The following MACROD2 variants were observed in gnomAD, a reference collection of about 807,000 sequenced individuals.
MACROD2 encodes ADP-ribose glycohydrolase MACROD2.
A neutral mutation model predicts 70.4 loss-of-function variants in MACROD2; 36 were observed. That is an observed-to-expected ratio of 0.51 (90% CI 0.39 to 0.68). MACROD2 has a LOEUF of 0.68. Ranked by LOEUF, MACROD2 falls within the 30% of genes least tolerant of loss-of-function variation. The pLI is 0.00. For synonymous variants in MACROD2, 172 were observed against 178.8 expected, an observed-to-expected ratio of 0.96 and a Z score of 0.30; for missense variants, 496 against 538.4, an observed-to-expected ratio of 0.92 and a Z score of 0.78.
At chr20:14,583,965 C>T (rs887262160) in intron 4 of MACROD2, among the ~76,000 whole-genome samples, 2 of 152,090 alleles carry the variant, frequency 1.3e-5, no homozygotes, top group African/African-American at 4.8e-5. Flanking sequence ...CCTTGTGTTA[C>T]CCGGCATGAG....
At chr20:14,045,631 T>G (rs1569132534) in intron 2 of MACROD2, among the ~76,000 whole-genome samples, 1 of 152,106 alleles carries the variant, frequency 6.6e-6, no homozygotes, top group Non-Finnish European at 1.5e-5. Context: ...TAAAAAAATA[T>G]GAGAAACTCA....
intron 4 of MACROD2, among the ~76,000 whole-genome samples, chr20:14,532,178 C>A (rs1403215009): frequency 6.6e-6 from 1 of 151,664 alleles, no homozygotes; most frequent in Non-Finnish European, 1.5e-5. Context: ...AGAAACGTAG[C>A]CTTCACATTT....
chr20:14,551,900 G>C (rs1403829202), intron 4 of MACROD2, among the ~76,000 whole-genome samples: 3 of 152,070 alleles, frequency 2.0e-5, no homozygotes, highest in Non-Finnish European at 1.5e-5. Context: ...GTATGTGCAT[G>C]AATATGTCTG....
intron 5 of MACROD2, among the ~76,000 whole-genome samples, chr20:14,770,201 T>C (rs1399809970): frequency 6.6e-6 from 1 of 151,962 alleles, no homozygotes; most frequent in Non-Finnish European, 1.5e-5. Context: ...TTACTTTTTT[T>C]TTCTTTTTGC....
At chr20:14,612,777 C>A (rs1983247697) in intron 4 of MACROD2, among the ~76,000 whole-genome samples, 1 of 151,974 alleles carries the variant, frequency 6.6e-6, no homozygotes, top group Non-Finnish European at 1.5e-5. Flanking sequence ...AAACATTTTG[C>A]ATAATTTTTT....
chr20:15,713,536 G>GGGGA (rs71190195), intron 8 of MACROD2, among the ~76,000 whole-genome samples: 2 of 150,362 alleles, frequency 1.3e-5, no homozygotes, highest in Admixed American at 6.6e-5. Flanking sequence ...CTCGATGGCA[G>GGGGA]GAGAGAGAGA....
intron 5 of MACROD2, among the ~76,000 whole-genome samples, chr20:15,013,825 T>C (rs2075101441): frequency 1.3e-5 from 2 of 152,186 alleles, no homozygotes; most frequent in African/African-American, 4.8e-5. Context: ...ATTGCTTGTA[T>C]TTTTTCCTGG....
At chr20:14,539,838 T>G (rs937713514) in intron 4 of MACROD2, among the ~76,000 whole-genome samples, 1 of 152,182 alleles carries the variant, frequency 6.6e-6, no homozygotes, top group Admixed American at 6.5e-5. Flanking sequence ...GATAAAGATG[T>G]GAATCATATT....
intron 6 of MACROD2, among the ~76,000 whole-genome samples, chr20:15,315,975 T>C (rs2077805668): frequency 2.0e-5 from 3 of 151,908 alleles, no homozygotes; most frequent in South Asian, 2.1e-4. Flanking sequence ...TGAAGCTAAA[T>C]TGATATCAAT....
At chr20:15,738,717 G>C (rs1249603831) in intron 8 of MACROD2, among the ~76,000 whole-genome samples, 9 of 152,114 alleles carry the variant, frequency 5.9e-5, no homozygotes, top group Admixed American at 5.9e-4. Flanking sequence ...GGAGCATACA[G>C]AATCCCAGAA....
In MACROD2 at chr20:15,891,063, G is replaced by A. The variant is rs535726569; in HGVS notation, c.775+5252G>A. 9.2e-5 allele frequency among the ~76,000 whole-genome samples: 14 copies of A among 152,296 alleles called. No individual in the cohort carries two copies. The East Asian group carries it at 2.7e-3, about 29-fold the overall frequency. Reference sequence around the variant, plus strand: ...ACAATAAAGGGATACACCAGAGAGTGAGATAATTTCACATACAAGTGATGT... The same window carrying A: ...ACAATAAAGGGATACACCAGAGAGTAAGATAATTTCACATACAAGTGATGT... On this transcript the variant is annotated intron_variant, in intron 10 of 17. Coordinates refer to ENST00000684519, the MANE Select transcript of MACROD2 (RefSeq NM_001351661.2).
At chr20:14,944,628 A>G (rs1390175113) in intron 5 of MACROD2, among the ~76,000 whole-genome samples, 1 of 152,246 alleles carries the variant, frequency 6.6e-6, no homozygotes, top group East Asian at 1.9e-4. Context: ...AGTGAAGGGA[A>G]TGCGTACAGG....
chr20:14,471,351 C>T (rs1003019662), intron 3 of MACROD2, among the ~76,000 whole-genome samples: 3 of 152,146 alleles, frequency 2.0e-5, no homozygotes, highest in Admixed American at 1.3e-4. Context: ...AGATGTAGAC[C>T]GGAGCTGTTC....
intron 5 of MACROD2, among the ~76,000 whole-genome samples, chr20:15,041,864 A>G (rs1014842264): frequency 2.6e-5 from 4 of 152,164 alleles, no homozygotes; most frequent in African/African-American, 9.7e-5. Flanking sequence ...ATATTGTTCA[A>G]TAATGCAGAA....
At chr20:14,822,981 A>G (rs1218831612) in intron 5 of MACROD2, among the ~76,000 whole-genome samples, 2 of 152,068 alleles carry the variant, frequency 1.3e-5, no homozygotes, top group Non-Finnish European at 2.9e-5. Context: ...TTCTTCTTTA[A>G]CTGGATGTTC....
At chr20:14,270,437 A>G (rs1180845492) in intron 3 of MACROD2, among the ~76,000 whole-genome samples, 1 of 152,016 alleles carries the variant, frequency 6.6e-6, no homozygotes, top group African/African-American at 2.4e-5. Context: ...TAAAACACAA[A>G]AATTAGCTGG....
intron 5 of MACROD2, among the ~76,000 whole-genome samples, chr20:14,798,558 A>G (rs1421850422): frequency 6.6e-6 from 1 of 152,092 alleles, no homozygotes; most frequent in Non-Finnish European, 1.5e-5. Flanking sequence ...ATGGAACCTT[A>G]ATGGTTGTGT....
At chr20:16,034,151 C>T (rs936222954) in intron 15 of MACROD2, among the ~76,000 whole-genome samples, 1 of 152,016 alleles carries the variant, frequency 6.6e-6, no homozygotes, top group Non-Finnish European at 1.5e-5. Context: ...TTATCAAGGA[C>T]TGGAATGCTT....
intron 3 of MACROD2, among the ~76,000 whole-genome samples, chr20:14,379,937 AC>A (rs1413744723): frequency 2.0e-5 from 3 of 152,108 alleles, no homozygotes; most frequent in African/African-American, 7.2e-5. Flanking sequence ...ACAAGTATCT[AC>A]TTTCAATTCC....
Sources: allele counts gnomAD v4.1 joint callset (sites outside exome capture counted in the v4.1 genomes callset), GRCh38; gene constraint gnomAD v4.1.1; transcripts MANE v1.5; gene names NCBI Gene and HGNC (gene_info 2026-07-23, HGNC 2026-07-21).